ANKRD11: variants seen among roughly 807,000 people sequenced by gnomAD.
ANKRD11 encodes the protein ankyrin repeat domain-containing protein 11.
Under a neutral mutation model 195.7 loss-of-function variants are expected in ANKRD11, and 17 were observed. The observed-to-expected ratio is 0.09, with a 90% CI of 0.06 to 0.13. The LOEUF (loss-of-function observed/expected upper bound fraction) is 0.13. Ranked by LOEUF, ANKRD11 falls within the 10% of genes least tolerant of loss-of-function variation. The pLI, the probability that ANKRD11 is intolerant of heterozygous loss-of-function variation, is 1.00. For missense variants in ANKRD11, 3,735 were observed against 3,566.1 expected (o/e 1.05, Z -1.21); for synonymous variants, 1,953 against 1,528.1 (o/e 1.28, Z -6.49).
intron 1 of ANKRD11, among the ~76,000 whole-genome samples, chr16:89,433,227 T>G (rs571429982): frequency 7.8e-4 from 119 of 152,296 alleles, no homozygotes; most frequent in African/African-American, 2.7e-3. Context: ...GAGGGTTTCA[T>G]GACAAGGCCC....
intron 1 of ANKRD11, among the ~76,000 whole-genome samples, chr16:89,479,000 G>C (rs1198219694): frequency 2.0e-5 from 3 of 152,254 alleles, no homozygotes; most frequent in East Asian, 3.9e-4. Flanking sequence ...ACCGGGGCTA[G>C]AGACCAGTGG....
intron 2 of ANKRD11, among the ~76,000 whole-genome samples, chr16:89,408,879 T>C (rs1412662993): frequency 2.0e-5 from 3 of 152,224 alleles, no homozygotes; most frequent in Non-Finnish European, 4.4e-5. Flanking sequence ...AGTGAAGATA[T>C]CTAGCAGAGC....
At position 89,353,109 on chromosome 16, in the gene ANKRD11, C is replaced by G. The variant is rs148051745; in HGVS notation, c.-59-36031G>C. On this transcript the variant is annotated intron_variant, in intron 2 of 12. Transcript: ENST00000301030. ...AATTAATCCCAGCACTTTGGGAGGC[C>G]AAGGCAGGTGGATCATGAGGTCAGG... 3.3e-4 allele frequency among the ~76,000 whole-genome samples: 50 copies of G among 152,234 alleles called. No homozygotes were observed. The East Asian group carries it at 9.5e-3, about 29-fold the overall frequency.
At chr16:89,375,381 G>C (rs2040377193) in intron 2 of ANKRD11, among the ~76,000 whole-genome samples, 1 of 152,220 alleles carries the variant, frequency 6.6e-6, no homozygotes, top group Non-Finnish European at 1.5e-5. Context: ...TTGAGCCCGG[G>C]AGTCCAAGAC....
chr16:89,270,629 C>G, intron 12 of ANKRD11, 188 bp downstream of exon 12: 1 of 651,474 alleles, frequency 1.5e-6, no homozygotes, highest in Admixed American at 2.2e-5. Flanking sequence ...GAGGAGGCCA[C>G]ACGCAGGGAC....
At chr16:89,460,054 G>A (rs1187559349) in intron 1 of ANKRD11, among the ~76,000 whole-genome samples, 2 of 151,984 alleles carry the variant, frequency 1.3e-5, no homozygotes, top group African/African-American at 4.8e-5. Context: ...TACCCAACAT[G>A]GTGAAACTCC....
chr16:89,376,337 A>T (rs1358400179), intron 2 of ANKRD11, among the ~76,000 whole-genome samples: 1 of 152,244 alleles, frequency 6.6e-6, no homozygotes, highest in Non-Finnish European at 1.5e-5. Flanking sequence ...CAATGTCAAG[A>T]TAACAGGAGA....
chr16:89,316,325 C>T (rs985928292), intron 3 of ANKRD11, among the ~76,000 whole-genome samples: 3 of 152,148 alleles, frequency 2.0e-5, no homozygotes, highest in East Asian at 3.8e-4. Context: ...CCCCAGAACT[C>T]GGCGTCTCCC....
chr16:89,464,201 T>G (rs113628579), intron 1 of ANKRD11, among the ~76,000 whole-genome samples: 4,323 of 151,706 alleles, frequency 0.028, 97 homozygotes, highest in Middle Eastern at 0.058. Flanking sequence ...ATCGCACCAC[T>G]GCACTCCAGC....
intron 12 of ANKRD11, chr16:89,269,970 C>T (rs1395262363): frequency 6.6e-6 from 1 of 152,234 alleles, no homozygotes; most frequent in Non-Finnish European, 1.5e-5. Flanking sequence ...ATGAAGCTTT[C>T]AGTTTTTTCT....
chr16:89,375,739 A>T (rs1167103362), intron 2 of ANKRD11, among the ~76,000 whole-genome samples: 1 of 143,816 alleles, frequency 7.0e-6, no homozygotes, highest in East Asian at 2.1e-4. Flanking sequence ...TACAAGCATG[A>T]GCCACTGCAC....
Position 89,284,621 on chromosome 16 carries a change from T to G in ANKRD11, c.1921A>C (p.Lys641Gln). The part of the protein sequence containing the change: ...KHKTKHKHKN[K>Q]EKGQCSISQE... ...CTGATGGAACACTGTCCCTTCTCCT[T>G]GTTTTTGTGTTTGTGTTTTGTTTTA... Residue 641 changes from lysine to glutamine, a missense_variant, in exon 9 of 13, where the codon AAG becomes CAG. Coordinates refer to ENST00000301030, the MANE Select transcript of ANKRD11 (RefSeq NM_013275.6). The G allele has an allele frequency of 6.2e-7, 1 of 1,613,994 alleles. No homozygotes were observed. Among genetic ancestry groups the G allele is most frequent in the Non-Finnish European group, 8.5e-7 (1 of 1,179,908 alleles).
At chr16:89,273,283 T>A (rs1160033644) in intron 11 of ANKRD11, among the ~76,000 whole-genome samples, 3 of 152,270 alleles carry the variant, frequency 2.0e-5, no homozygotes, top group Non-Finnish European at 2.9e-5. Flanking sequence ...CCTCCTCATT[T>A]TTGCTCTGTA....
rs1174678768 is a variant in ANKRD11, at chr16:89,490,425, G to A, written c.-325C>T. ...CGGCGGGAGGCGAGCCCGCCCCTCG[G>A]GCGCGCCCACGGCTCGGGCGAGAGC... On this transcript the variant is annotated 5_prime_UTR_variant, in exon 1 of 13. Coordinates refer to ENST00000301030, the MANE Select transcript of ANKRD11 (RefSeq NM_013275.6). The A allele has an allele frequency of 1.6e-5, 5 of 317,978 alleles. No homozygotes were observed. Among genetic ancestry groups the A allele is most frequent in the Non-Finnish European group, 2.9e-5 (5 of 174,260 alleles). The allele number at this position is 317,978 out of a possible 1,614,324, so 19.7% of individuals were successfully genotyped here. A position where few individuals can be genotyped will look rare whatever the true frequency, so the allele number is the denominator to read the frequency against.
intron 2 of ANKRD11, among the ~76,000 whole-genome samples, chr16:89,365,843 C>T (rs1241666350): frequency 1.3e-5 from 2 of 152,116 alleles, no homozygotes; most frequent in African/African-American, 2.4e-5. Context: ...GTTATTTTTT[C>T]TGTTCCTCTC....
At chr16:89,313,689 A>G (rs1313080410) in intron 3 of ANKRD11, 1 of 1,054,118 alleles carries the variant, frequency 9.5e-7, no homozygotes, top group Non-Finnish European at 1.3e-6. Context: ...GTACCAGGAG[A>G]AGGCAGGTCA....
chr16:89,345,128 G>A (rs2038876825), intron 2 of ANKRD11, among the ~76,000 whole-genome samples: 1 of 151,916 alleles, frequency 6.6e-6, no homozygotes, highest in Non-Finnish European at 1.5e-5. Flanking sequence ...AAATCTGGGA[G>A]CATCCACCAG....
Position 89,281,548 on chromosome 16 carries a change from T to G in ANKRD11, c.4994A>C (p.Glu1665Ala). 6.2e-7 allele frequency: 1 copy of G among 1,614,172 alleles called. No individual in the cohort carries two copies. Among genetic ancestry groups the G allele is most frequent in the Non-Finnish European group, 8.5e-7 (1 of 1,180,026 alleles). The change falls in exon 9 of 13, where the codon GAA (glutamate) becomes GCA (alanine). Residue 1665 changes from glutamate to alanine, a missense_variant. Glu to Ala is a moderately radical substitution (Grantham distance 107, BLOSUM62 -1). Transcript: ENST00000301030. This position sits in a 1 kb window ranked among gnomAD's most constrained non-coding sequence, Gnocchi z 5.5. Reference sequence around the variant, plus strand: ...ACCTGATGCTGGGTGTAGCTTATTTTCCGCGGCAGGTGGAATAGGAGTCGA... The same window carrying G: ...ACCTGATGCTGGGTGTAGCTTATTTGCCGCGGCAGGTGGAATAGGAGTCGA... ...KESTPIPPAA[E>A]NKLHPASGAD...
chr16:89,375,275 G>A (rs1381893769), intron 2 of ANKRD11, among the ~76,000 whole-genome samples: 1 of 152,158 alleles, frequency 6.6e-6, no homozygotes, highest in African/African-American at 2.4e-5. Context: ...CAGAAATTGT[G>A]TATCACAGTA....
Sources: allele counts gnomAD v4.1 joint callset (sites outside exome capture counted in the v4.1 genomes callset), GRCh38; gene constraint gnomAD v4.1.1; non-coding constraint Gnocchi (gnomAD v3.1); transcripts MANE v1.5; gene names NCBI Gene and HGNC (gene_info 2026-07-23, HGNC 2026-07-21).